Variants in PRMT7 observed in about 807,000 individuals in gnomAD.
The protein encoded by PRMT7 is protein arginine N-methyltransferase 7.
A neutral mutation model predicts 85.4 loss-of-function variants in PRMT7; 75 were observed. The observed-to-expected ratio is 0.88, with a 90% confidence interval of 0.73 to 1.06. The LOEUF is 1.06. PRMT7 is among the 50% of genes least tolerant of loss of function. The probability of loss-of-function intolerance (pLI) is 0.00; values close to 1 mark genes in which losing one functional copy is unlikely to be tolerated. For synonymous variants in PRMT7, 397 were observed against 359.5 expected, an observed-to-expected ratio of 1.10 and a Z score of -1.18; for missense variants, 868 against 915.2, an observed-to-expected ratio of 0.95 and a Z score of 0.67.
At chr16:68,316,584 G>A (rs922171100) in intron 3 of PRMT7, among the ~76,000 whole-genome samples, 4 of 152,046 alleles carry the variant, frequency 2.6e-5, no homozygotes, top group African/African-American at 9.7e-5. Context: ...TGACCAACAT[G>A]GAGAAACCCC....
At chr16:68,314,758 C>G (rs1214925480) in intron 2 of PRMT7, among the ~76,000 whole-genome samples, 2 of 152,066 alleles carry the variant, frequency 1.3e-5, no homozygotes, top group Admixed American at 6.5e-5. Flanking sequence ...TTGGGAGAGC[C>G]CACACCTGCT....
intron 6 of PRMT7, among the ~76,000 whole-genome samples, chr16:68,333,946 T>A (rs1203572427): frequency 6.6e-6 from 1 of 152,042 alleles, no homozygotes; most frequent in Non-Finnish European, 1.5e-5. Flanking sequence ...AATTTTTGTA[T>A]TTTTAGTAGA....
Position 68,347,247 on chromosome 16 carries a change from G to T in PRMT7, c.1228G>T (p.Asp410Tyr). Reference sequence around the variant, plus strand: ...AGACAGCGTGTGCCTGTGTGTCAGCGATGGCAGCCTGCTCTCCGTGCTGGC... The same window carrying T: ...AGACAGCGTGTGCCTGTGTGTCAGCTATGGCAGCCTGCTCTCCGTGCTGGC... The part of the protein sequence containing the change: ...KPDSVCLCVS[D>Y]GSLLSVLAHH... Residue 410 changes from aspartate (D) to tyrosine (Y), a missense_variant, in exon 12 of 19, where the codon GAT becomes TAT. Coordinates refer to ENST00000441236, the MANE Select transcript of PRMT7 (RefSeq NM_019023.5). 6.4e-7 allele frequency: 1 copy of T among 1,553,678 alleles called. No individual in the cohort carries two copies. The highest frequency in any genetic ancestry group is 8.7e-7 in the Non-Finnish European group (1 of 1,147,664).
At position 68,345,644 on chromosome 16, in the gene PRMT7, C is replaced by T. The variant is rs374783931; in HGVS notation, c.928-31C>T. ...TAGAAGCATTGCTCATACTGCAGCT[C>T]GTTGACAGCTGACTCTGTTCTCCGT... is the stretch of plus-strand genomic sequence containing the variant. On this transcript the variant is annotated intron_variant, in intron 9 of 18. Transcript: ENST00000441236. 1.6e-5 allele frequency: 26 copies of T among 1,611,914 alleles called. No individual in the cohort carries two copies. The African/African-American group carries it at 1.7e-4, about 11-fold the overall frequency.
chr16:68,331,658 G>C lies in PRMT7; in HGVS notation c.391+2484G>C, dbSNP rs531399892. Among the ~76,000 whole-genome samples the C allele has an allele frequency of 5.3e-5, 8 of 151,916 alleles. No individual in the cohort carries two copies. The East Asian group carries it at 1.4e-3, about 26-fold the overall frequency. ...AACTTAAAAAAAATTTTTTTTTGTA[G>C]AGATGGGATCTCAGTTTGTTGCTTA... On this transcript the variant is annotated intron_variant, in intron 6 of 18. Coordinates refer to ENST00000441236, the MANE Select transcript of PRMT7 (RefSeq NM_019023.5).
At chr16:68,336,710 C>T (rs2084741967) in intron 6 of PRMT7, among the ~76,000 whole-genome samples, 1 of 151,950 alleles carries the variant, frequency 6.6e-6, no homozygotes, top group African/African-American at 2.4e-5. Flanking sequence ...TATATTTTTA[C>T]CTGGTTTCTT....
At chr16:68,329,432 A>G (rs1413937743) in intron 6 of PRMT7, 8 of 292,084 alleles carry the variant, frequency 2.7e-5, no homozygotes, top group Non-Finnish European at 5.3e-5. Context: ...CTTTAAGCAA[A>G]TTGGAATTCT....
intron 11 of PRMT7, 131 bp downstream of exon 11, chr16:68,346,411 C>A: frequency 3.8e-6 from 5 of 1,327,990 alleles, no homozygotes; most frequent in Non-Finnish European, 4.1e-6. Context: ...CTTCAGCGAG[C>A]GCCTCCTGGG....
chr16:68,346,986 TAGG>T (rs77277318), intron 11 of PRMT7, among the ~76,000 whole-genome samples: 92,162 of 151,074 alleles, frequency 0.61, 28,268 homozygotes, highest in East Asian at 0.78. Flanking sequence ...GCGGGGCCTC[TAGG>T]CTGGGTTGAG....
At chr16:68,316,399 A>C (rs2081858714) in intron 3 of PRMT7, among the ~76,000 whole-genome samples, 1 of 152,202 alleles carries the variant, frequency 6.6e-6, no homozygotes, top group African/African-American at 2.4e-5. Context: ...CATGTTCATC[A>C]TATGGTTAAA....
chr16:68,349,034 C>T (rs2086857477), intron 14 of PRMT7, among the ~76,000 whole-genome samples: 2 of 152,118 alleles, frequency 1.3e-5, no homozygotes, highest in African/African-American at 4.8e-5. Flanking sequence ...CTTTCCTCTC[C>T]ACCGCACTCC....
At chr16:68,340,060 AT>A in intron 9 of PRMT7, 92 bp downstream of exon 9, 1 of 1,308,068 alleles carries the variant, frequency 7.6e-7, no homozygotes, top group Non-Finnish European at 1.0e-6. Flanking sequence ...ACCCAGGAGA[AT>A]TTAGAGACAG....
Position 68,357,465 on chromosome 16 carries a change from C to G in PRMT7, c.*241C>G, listed in dbSNP as rs1234680847. The G allele has an allele frequency of 6.1e-6, 3 of 494,530 alleles. No individual in the cohort carries two copies. The Admixed American group carries it at 1.2e-4, about 19-fold the overall frequency. The allele number at this position is 494,530 out of a possible 1,614,324, so 30.6% of individuals were successfully genotyped here. A position where few individuals can be genotyped will look rare whatever the true frequency, so the allele number is the denominator to read the frequency against. On this transcript the variant is annotated 3_prime_UTR_variant, in exon 19 of 19. Coordinates refer to ENST00000441236, the MANE Select transcript of PRMT7 (RefSeq NM_019023.5). ...CCCTGGAGGGGCTGGGAAGACCCCC[C>G]TGCTTGTGCTTCTGAGGTGCTGAGA...
At chr16:68,311,365 C>T in intron 1 of PRMT7, 5 of 279,446 alleles carry the variant, frequency 1.8e-5, no homozygotes, top group South Asian at 1.3e-4. Flanking sequence ...CCACAGAGAC[C>T]GCAGTAGCTC....
chr16:68,339,251 T>G (rs1043512623), intron 7 of PRMT7, 71 bp from the exon 8 acceptor site: 1 of 1,590,338 alleles, frequency 6.3e-7, no homozygotes, highest in Non-Finnish European at 8.6e-7. Context: ...TAAACCTCTT[T>G]TGATCAATGG....
chr16:68,338,685 CCATGCCCAGAG>C (rs1462191603), intron 7 of PRMT7, among the ~76,000 whole-genome samples: 1 of 152,134 alleles, frequency 6.6e-6, no homozygotes, highest in Non-Finnish European at 1.5e-5. Context: ...TAGCCTTTTA[CCATGCCCAGAG>C]CAACCCCTAC....
At chr16:68,335,742 G>A (rs932242164) in intron 6 of PRMT7, among the ~76,000 whole-genome samples, 20 of 151,890 alleles carry the variant, frequency 1.3e-4, no homozygotes, top group South Asian at 6.2e-4. Context: ...CGAGGTTCAC[G>A]CTGTCTCTGT....
intron 3 of PRMT7, 122 bp downstream of exon 3, chr16:68,316,196 G>T (rs1271758690): frequency 2.3e-6 from 2 of 855,608 alleles, no homozygotes; most frequent in Non-Finnish European, 1.9e-6. Context: ...GAGGGCTGGT[G>T]TTGGTCCTGA....
chr16:68,352,131 GGAGGGAGT>G (rs2087478302), intron 14 of PRMT7, 109 bp from the exon 15 acceptor site: 4 of 1,073,790 alleles, frequency 3.7e-6, no homozygotes, highest in South Asian at 3.0e-5. Flanking sequence ...GGAGGGAGAG[GGAGGGAGT>G]GAGGGAGTGA....
Sources: allele counts gnomAD v4.1 joint callset (sites outside exome capture counted in the v4.1 genomes callset), GRCh38; gene constraint gnomAD v4.1.1; transcripts MANE v1.5; gene names NCBI Gene and HGNC (gene_info 2026-07-23, HGNC 2026-07-21).